Variants in PEAK1 observed in about 807,000 individuals in gnomAD.
PEAK1 encodes pseudopodium enriched atypical kinase 1.
In PEAK1, 54 loss-of-function variants were observed where a neutral mutation model predicts 124.7. The ratio of observed to expected loss-of-function variants is 0.43; its 90% CI spans 0.35 to 0.54. PEAK1 has a LOEUF of 0.54. Among genes scored for constraint, PEAK1 ranks in the 20% least tolerant of loss-of-function variants. The pLI is 0.01. For missense variants in PEAK1, 2,046 were observed against 2,134.5 expected (o/e 0.96, Z 0.82); for synonymous variants, 719 against 760.0 (o/e 0.95, Z 0.89).
intron 7 of PEAK1, among the ~76,000 whole-genome samples, chr15:77,162,229 C>G (rs1596411148): frequency 6.6e-5 from 10 of 151,900 alleles, no homozygotes; most frequent in Admixed American, 6.6e-4. Context: ...TGCGGTGGCT[C>G]AAGCCTGTAA....
chr15:77,359,559 TAAGTA>T (rs1398088417), intron 2 of PEAK1, among the ~76,000 whole-genome samples: 1 of 152,050 alleles, frequency 6.6e-6, no homozygotes, highest in African/African-American at 2.4e-5. Flanking sequence ...TAAAAAGCCC[TAAGTA>T]ATCTATAAAC....
chr15:77,352,289 A>C, intron 2 of PEAK1: 1 of 985,380 alleles, frequency 1.0e-6, no homozygotes, highest in Non-Finnish European at 1.2e-6. Context: ...TCCCCCAGGA[A>C]GTGAGCAGTG....
At chr15:77,159,047 T>C (rs1412862568) in intron 7 of PEAK1, among the ~76,000 whole-genome samples, 2 of 152,188 alleles carry the variant, frequency 1.3e-5, no homozygotes, top group Non-Finnish European at 2.9e-5. Flanking sequence ...TAGTAAAGTA[T>C]TTACTATACT....
At chr15:77,169,751 T>C (rs372818398) in intron 7 of PEAK1, among the ~76,000 whole-genome samples, 1 of 152,120 alleles carries the variant, frequency 6.6e-6, no homozygotes, top group African/African-American at 2.4e-5. Context: ...ATTTGGGATA[T>C]ATTTTGGAGG....
intron 2 of PEAK1, among the ~76,000 whole-genome samples, chr15:77,321,941 A>G (rs975770574): frequency 3.9e-5 from 6 of 152,362 alleles, no homozygotes; most frequent in Non-Finnish European, 7.4e-5. Flanking sequence ...CTCAGGCCAC[A>G]GTGCAATCAA....
At chr15:77,248,233 G>A (rs914272616) in intron 6 of PEAK1, among the ~76,000 whole-genome samples, 1 of 152,082 alleles carries the variant, frequency 6.6e-6, no homozygotes, top group Non-Finnish European at 1.5e-5. Flanking sequence ...TGGTAGTTGA[G>A]ATGAGGTTGT....
intron 2 of PEAK1, among the ~76,000 whole-genome samples, chr15:77,341,719 A>T (rs2141338544): frequency 6.6e-6 from 1 of 152,296 alleles, no homozygotes; most frequent in Admixed American, 6.5e-5. Context: ...GTCCACCATA[A>T]GTTACCAAGT....
chr15:77,194,902 T>A (rs535412063), intron 6 of PEAK1, among the ~76,000 whole-genome samples: 6 of 152,204 alleles, frequency 3.9e-5, no homozygotes, highest in Non-Finnish European at 7.3e-5. Flanking sequence ...AGGGCATCAC[T>A]ATATTTTAGA....
intron 1 of PEAK1, among the ~76,000 whole-genome samples, chr15:77,385,864 T>TG: frequency 6.6e-6 from 1 of 152,344 alleles, no homozygotes; most frequent in Non-Finnish European, 1.5e-5. Context: ...CAAAGGACCA[T>TG]GCTTAGGGCA....
intron 9 of PEAK1, among the ~76,000 whole-genome samples, chr15:77,129,037 G>A (rs1236640282): frequency 2.6e-5 from 4 of 152,164 alleles, no homozygotes; most frequent in Admixed American, 2.6e-4. Context: ...CCTACAAAGA[G>A]GTAATTAAGG....
At chr15:77,369,070 A>C (rs2068462863) in intron 1 of PEAK1, among the ~76,000 whole-genome samples, 1 of 152,228 alleles carries the variant, frequency 6.6e-6, no homozygotes, top group African/African-American at 2.4e-5. Flanking sequence ...ATAAAATACA[A>C]ATAAAATGCA....
chr15:77,355,706 T>A, intron 2 of PEAK1: 1 of 947,828 alleles, frequency 1.1e-6, no homozygotes. Context: ...AGTCTTGAAC[T>A]CATCCATTTT....
rs1300909804 is a variant in PEAK1, at chr15:77,403,820, T to A, written c.-666+16186A>T. 5.1e-6 allele frequency: 5 copies of A among 982,302 alleles called. No individual in the cohort carries two copies. In the African/African-American group the frequency reaches 7.0e-5, roughly 14 times the overall value. The allele number at this position is 982,302 out of a possible 1,614,324, so 60.8% of individuals were successfully genotyped here. A position where few individuals can be genotyped will look rare whatever the true frequency, so the allele number is the denominator to read the frequency against. On this transcript the variant is annotated intron_variant, in intron 1 of 9. Transcript: ENST00000682557. ...TAAAAAAAAGCTTATTCAATTCTAT[T>A]CTAATATATCCCTAACCTTTATGCC...
chr15:77,208,082 T>C (rs369746866), intron 6 of PEAK1, among the ~76,000 whole-genome samples: 1 of 152,166 alleles, frequency 6.6e-6, no homozygotes, highest in African/African-American at 2.4e-5. Flanking sequence ...AAACTGTGCT[T>C]TGCATCTGCC....
intron 6 of PEAK1, among the ~76,000 whole-genome samples, chr15:77,187,218 C>T (rs1321305835): frequency 1.3e-5 from 2 of 152,186 alleles, no homozygotes; most frequent in South Asian, 2.1e-4. Flanking sequence ...ATTCCATGAT[C>T]TAAAATCCTA....
At chr15:77,146,685 G>GT (rs762415703) in intron 8 of PEAK1, among the ~76,000 whole-genome samples, 1 of 152,116 alleles carries the variant, frequency 6.6e-6, no homozygotes, top group African/African-American at 2.4e-5. Context: ...CTCAACCTCA[G>GT]TTTTTTATTT....
At chr15:77,158,228 A>T in intron 8 of PEAK1, 1 of 364,752 alleles carries the variant, frequency 2.7e-6, no homozygotes, top group Admixed American at 4.0e-5. Context: ...TTACACTGAA[A>T]TAATTAACAA....
rs559529323 is a variant in PEAK1 at position 77,358,568 on chromosome 15, A to G, written c.-603+6595T>C. ...ACACTCTAATCTCTTTGCTTCTGTG[A>G]TATTTCTCTCTCCCGGCTCTCCACT... On this transcript the variant is annotated intron_variant, in intron 2 of 9. Coordinates refer to ENST00000682557, the MANE Select transcript of PEAK1 (RefSeq NM_001385026.1). Among the ~76,000 whole-genome samples the G allele has an allele frequency of 2.6e-5, 4 of 152,326 alleles. No individual in the cohort carries two copies. The East Asian group carries it at 7.7e-4, about 29-fold the overall frequency.
chr15:77,131,732 AGGAGTTACAG>A (rs1177208267), intron 9 of PEAK1, among the ~76,000 whole-genome samples: 1 of 152,248 alleles, frequency 6.6e-6, no homozygotes, highest in Non-Finnish European at 1.5e-5. Flanking sequence ...TAGGGAGCAA[AGGAGTTACAG>A]AGCAGAGGTA....
Sources: gnomAD v4.1 joint callset for allele counts (sites outside exome capture counted in the v4.1 genomes callset) on GRCh38, gnomAD v4.1.1 for gene constraint, MANE v1.5 for transcripts, NCBI Gene and HGNC (gene_info 2026-07-23, HGNC 2026-07-21) for gene names.